The following STARD13 variants were observed in gnomAD, a reference collection of about 807,000 sequenced individuals.
STARD13 encodes the protein stAR-related lipid transfer protein 13.
A neutral mutation model predicts 106.4 loss-of-function variants in STARD13; 62 were observed. That is an observed-to-expected ratio of 0.58 (90% confidence interval 0.48 to 0.72). The LOEUF is 0.72. Ranked by LOEUF, STARD13 falls within the 30% of genes least tolerant of loss-of-function variation. STARD13 has a pLI of 0.00. For synonymous variants in STARD13, 565 were observed against 553.0 expected, an observed-to-expected ratio of 1.02 and a Z score of -0.31; for missense variants, 1,387 against 1,424.0, an observed-to-expected ratio of 0.97 and a Z score of 0.42.
rs532070897 is a variant in STARD13, at chr13:33,193,457, G to A, written c.170-25835C>T. Among the ~76,000 whole-genome samples the A allele has an allele frequency of 5.3e-5, 8 of 152,318 alleles. No homozygotes were observed. The East Asian group carries it at 1.3e-3, about 26-fold the overall frequency. ...TAATAGTTTGTTGTTGGACAAACACGCAGACAGAACACAACTCGAGGCTCT... is the reference window on the plus strand; with the variant it reads ...TAATAGTTTGTTGTTGGACAAACACACAGACAGAACACAACTCGAGGCTCT... On this transcript the variant is annotated intron_variant, in intron 1 of 13. Transcript: ENST00000336934.
intron 3 of STARD13, among the ~76,000 whole-genome samples, chr13:33,157,899 C>G (rs1307143127): frequency 6.6e-6 from 1 of 152,202 alleles, no homozygotes; most frequent in Non-Finnish European, 1.5e-5. Flanking sequence ...GTTACAGTTT[C>G]AATGAGCTCA....
chr13:33,301,945 C>A (rs1233781267), intron 1 of STARD13, among the ~76,000 whole-genome samples: 11 of 152,076 alleles, frequency 7.2e-5, no homozygotes, highest in Non-Finnish European at 4.4e-5. Flanking sequence ...TATAGCCCTT[C>A]CTTCATATAC....
chr13:33,162,942 G>A (rs1167960824), intron 3 of STARD13, among the ~76,000 whole-genome samples: 1 of 151,912 alleles, frequency 6.6e-6, no homozygotes. Context: ...TATTGTATTA[G>A]TCCATTTTCA....
intron 1 of STARD13, among the ~76,000 whole-genome samples, chr13:33,340,398 G>A (rs944813082): frequency 2.6e-5 from 4 of 152,048 alleles, no homozygotes; most frequent in Non-Finnish European, 5.9e-5. Context: ...TGTAGAGACT[G>A]TGTCTCCCTG....
the STARD13 span, among the ~76,000 whole-genome samples, chr13:33,630,196 C>T: frequency 5.3e-5 from 8 of 152,172 alleles, no homozygotes; most frequent in Non-Finnish European, 1.0e-4. Context: ...TTTCCCAGAG[C>T]GACTCAGCAA....
At chr13:33,261,942 G>A (rs1477506039) in intron 1 of STARD13, among the ~76,000 whole-genome samples, 1 of 152,174 alleles carries the variant, frequency 6.6e-6, no homozygotes, top group East Asian at 1.9e-4. Context: ...AACCCTAGAA[G>A]GCTTTCCCTG....
At chr13:33,299,836 C>G (rs1188068222) in intron 1 of STARD13, among the ~76,000 whole-genome samples, 1 of 152,114 alleles carries the variant, frequency 6.6e-6, no homozygotes, top group Non-Finnish European at 1.5e-5. Flanking sequence ...TCATCTCTGT[C>G]GTAATAAAGC....
At chr13:33,236,671 T>C (rs533572247) in intron 1 of STARD13, among the ~76,000 whole-genome samples, 2 of 152,278 alleles carry the variant, frequency 1.3e-5, no homozygotes, top group South Asian at 4.2e-4. Flanking sequence ...CCTTATTATC[T>C]TGAGTCCTCT....
Position 33,285,497 on chromosome 13 carries a change from G to T in STARD13, c.142C>A (p.His48Asn), listed in dbSNP as rs370033941. Residue 48 changes from histidine to asparagine, a missense_variant, in exon 1 of 14, where the codon CAT becomes AAT. Coordinates refer to ENST00000336934, the MANE Select transcript of STARD13 (RefSeq NM_178006.4). ...TGTTGAATTTTAGTCACTAGCTGATGGCGTGCTAGAATCCGGCTCATCCTG... is the reference window on the plus strand; with the variant it reads ...TGTTGAATTTTAGTCACTAGCTGATTGCGTGCTAGAATCCGGCTCATCCTG... Reference protein sequence around the residue: ...PYRMSRILARHQLVTKIQQEI... With the variant: ...PYRMSRILARNQLVTKIQQEI... 102 of 1,613,848 alleles carry T rather than the reference G, an allele frequency of 6.3e-5. No individual in the cohort carries two copies. Among genetic ancestry groups the T allele is most frequent in the Non-Finnish European group, 8.4e-5 (99 of 1,179,880 alleles).
At chr13:33,657,354 C>T in the STARD13 span, 5 of 152,176 alleles carry the variant, frequency 3.3e-5, no homozygotes, top group Admixed American at 3.3e-4. Context: ...ACTTGTTGAG[C>T]ATCTAGTAAG....
At chr13:33,226,109 C>T (rs556838069) in intron 1 of STARD13, among the ~76,000 whole-genome samples, 1 of 152,316 alleles carries the variant, frequency 6.6e-6, no homozygotes, top group Admixed American at 6.5e-5. Flanking sequence ...GAGCCCTCAC[C>T]AGAACCCAAC....
intron 1 of STARD13, among the ~76,000 whole-genome samples, chr13:33,189,153 A>C (rs954341645): frequency 6.6e-6 from 1 of 152,182 alleles, no homozygotes; most frequent in Non-Finnish European, 1.5e-5. Flanking sequence ...ATATAAAACC[A>C]TAAGGAAGAA....
At chr13:33,426,421 G>A in the STARD13 span, among the ~76,000 whole-genome samples, 4 of 151,978 alleles carry the variant, frequency 2.6e-5, no homozygotes, top group Admixed American at 2.0e-4. Flanking sequence ...ACACTTACAA[G>A]TCTGCCTGTT....
At chr13:33,365,557 G>A in the STARD13 span, among the ~76,000 whole-genome samples, 7 of 152,178 alleles carry the variant, frequency 4.6e-5, no homozygotes, top group Non-Finnish European at 7.3e-5. Flanking sequence ...TGACCCTTAG[G>A]TAGTAGCAGC....
At chr13:33,163,202 T>G (rs1373088575) in intron 3 of STARD13, among the ~76,000 whole-genome samples, 3 of 152,076 alleles carry the variant, frequency 2.0e-5, no homozygotes, top group Non-Finnish European at 4.4e-5. Flanking sequence ...AAATTATCTC[T>G]CACTGGGTCC....
At chr13:33,380,431 A>G in the STARD13 span, among the ~76,000 whole-genome samples, 1 of 150,578 alleles carries the variant, frequency 6.6e-6, no homozygotes, top group Non-Finnish European at 1.5e-5. Flanking sequence ...AAAAAAAAAA[A>G]AGGTGGAGAA....
At chr13:33,523,538 T>C in the STARD13 span, among the ~76,000 whole-genome samples, 1 of 152,128 alleles carries the variant, frequency 6.6e-6, no homozygotes, top group Non-Finnish European at 1.5e-5. Flanking sequence ...CTTAAAATCC[T>C]TCTATATCTA....
chr13:33,636,139 C>CAAAA, the STARD13 span, among the ~76,000 whole-genome samples: 2 of 47,294 alleles, frequency 4.2e-5, no homozygotes, highest in Non-Finnish European at 5.0e-5. Flanking sequence ...GACTCTGTCT[C>CAAAA]AAAAAAAAAA....
intron 1 of STARD13, among the ~76,000 whole-genome samples, chr13:33,328,866 T>G (rs1186884603): frequency 6.6e-6 from 1 of 152,216 alleles, no homozygotes; most frequent in African/African-American, 2.4e-5. Flanking sequence ...ATTCAATGGT[T>G]TTCATAAAGA....
Sources: gnomAD v4.1 joint callset for allele counts (sites outside exome capture counted in the v4.1 genomes callset) on GRCh38, gnomAD v4.1.1 for gene constraint, MANE v1.5 for transcripts, NCBI Gene and HGNC (gene_info 2026-07-23, HGNC 2026-07-21) for gene names.